Variants in PTPN11 observed in about 807,000 individuals in gnomAD.
The protein encoded by PTPN11 is protein tyrosine phosphatase non-receptor type 11, also known as tyrosine-protein phosphatase non-receptor type 11.
Under a neutral mutation model 78.8 loss-of-function variants are expected in PTPN11, and 6 were observed. That is an observed-to-expected ratio of 0.08 (90% CI 0.04 to 0.15). PTPN11 has a LOEUF of 0.15. PTPN11 is among the 10% of genes least tolerant of loss of function. The pLI is 1.00. For missense variants in PTPN11, 386 were observed against 744.8 expected (o/e 0.52, Z 5.61); for synonymous variants, 221 against 263.5 (o/e 0.84, Z 1.56).
chr12:112,500,073 G>A (rs1037527535), intron 13 of PTPN11, among the ~76,000 whole-genome samples: 4 of 151,752 alleles, frequency 2.6e-5, no homozygotes, highest in South Asian at 2.1e-4. Context: ...ATGAAACCCC[G>A]TCTCTACTAA....
intron 1 of PTPN11, among the ~76,000 whole-genome samples, chr12:112,429,553 G>A (rs548043886): frequency 8.1e-4 from 117 of 144,940 alleles, no homozygotes; most frequent in Non-Finnish European, 1.4e-3. Context: ...TGTAATCCCC[G>A]CACTTTGGGA....
chr12:112,449,708 G>C (rs1377801733), intron 2 of PTPN11, among the ~76,000 whole-genome samples: 1 of 152,046 alleles, frequency 6.6e-6, no homozygotes, highest in Non-Finnish European at 1.5e-5. Context: ...AAGTGTTTTG[G>C]TAGCTATACA....
At chr12:112,427,793 CCA>C (rs1234366098) in intron 1 of PTPN11, among the ~76,000 whole-genome samples, 1 of 151,660 alleles carries the variant, frequency 6.6e-6, no homozygotes, top group African/African-American at 2.4e-5. Flanking sequence ...GCTCTGTCAC[CCA>C]CACTGGATTG....
chr12:112,508,717 T>C lies in PTPN11; in HGVS notation c.*2925T>C, dbSNP rs1242503047. ...AAATTTCACAGTCTTAATAACTTTT[T>C]TTAAAAAAAACTAAAAGGCGCTTCA... On this transcript the variant is annotated 3_prime_UTR_variant, in exon 16 of 16. Transcript: ENST00000351677. The C allele has an allele frequency of 6.6e-6, 1 of 152,192 alleles. No individual in the cohort carries two copies. Among genetic ancestry groups the C allele is most frequent in the Non-Finnish European group, 1.5e-5 (1 of 68,038 alleles). 9.4% of individuals were successfully genotyped at this position (152,192 alleles called of 1,614,324 possible).
intron 1 of PTPN11, among the ~76,000 whole-genome samples, chr12:112,425,626 T>G (rs1447812985): frequency 1.3e-5 from 2 of 152,238 alleles, no homozygotes; most frequent in African/African-American, 4.8e-5. Context: ...GGGCTTTTAG[T>G]GTAACCAGCA....
intron 7 of PTPN11, among the ~76,000 whole-genome samples, chr12:112,477,438 A>G (rs2038521848): frequency 6.6e-6 from 1 of 152,224 alleles, no homozygotes; most frequent in African/African-American, 2.4e-5. Flanking sequence ...CCCATAGTAT[A>G]TGATCAAAAC....
Position 112,477,908 on chromosome 12 carries a change from G to A in PTPN11, c.985G>A (p.Ala329Thr), listed in dbSNP as rs760769867. The A allele has an allele frequency of 1.2e-6, 2 of 1,614,172 alleles. No individual in the cohort carries two copies. The highest frequency in any genetic ancestry group is 8.5e-7 in the Non-Finnish European group (1 of 1,180,022). ...TTCAAAGCCCAAAAAGAGTTACATT[G>A]CCACACAAGGCTGCCTGCAAAACAC... ...NNSKPKKSYI[A>T]TQGCLQNTVN... is the part of the protein sequence containing the mutation. Residue 329 changes from alanine to threonine, a missense_variant, in exon 9 of 16, where the codon GCC becomes ACC. Ala to Thr is a moderately conservative substitution (Grantham distance 58). This residue lies in a region of PTPN11 where 279 missense variants were observed against 503.3 expected (regional missense o/e 0.55). Transcript: ENST00000351677.
chr12:112,443,277 T>A (rs1489876565), intron 1 of PTPN11, among the ~76,000 whole-genome samples: 1 of 152,142 alleles, frequency 6.6e-6, no homozygotes, highest in African/African-American at 2.4e-5. Flanking sequence ...ATTAATGCAT[T>A]GTGTTACTTG....
intron 11 of PTPN11, among the ~76,000 whole-genome samples, chr12:112,487,296 G>A (rs977545941): frequency 4.6e-5 from 7 of 152,018 alleles, no homozygotes; most frequent in South Asian, 2.1e-4. Context: ...CACTACGCCC[G>A]GCTAATTTTT....
At chr12:112,440,995 G>A (rs1390706842) in intron 1 of PTPN11, among the ~76,000 whole-genome samples, 1 of 106,692 alleles carries the variant, frequency 9.4e-6, no homozygotes, top group African/African-American at 3.5e-5. Context: ...ATGGAGTTTT[G>A]CGTTGTTGCC....
intron 7 of PTPN11, among the ~76,000 whole-genome samples, chr12:112,477,343 T>G (rs2038520527): frequency 6.6e-6 from 1 of 152,178 alleles, no homozygotes; most frequent in Non-Finnish European, 1.5e-5. Context: ...ATTTTGGAAC[T>G]CATAAGAAGT....
intron 1 of PTPN11, among the ~76,000 whole-genome samples, chr12:112,433,433 CTGT>C (rs1438651208): frequency 1.3e-5 from 2 of 152,172 alleles, no homozygotes; most frequent in East Asian, 3.8e-4. Flanking sequence ...GAACATATTC[CTGT>C]TGTTAAGCAA....
chr12:112,450,012 C>A (rs546439292), intron 2 of PTPN11, among the ~76,000 whole-genome samples: 1 of 151,248 alleles, frequency 6.6e-6, no homozygotes, highest in Non-Finnish European at 1.5e-5. Flanking sequence ...TATGTAAATC[C>A]ACCGCGAAGG....
chr12:112,449,484 G>A (rs995435649), intron 2 of PTPN11, among the ~76,000 whole-genome samples: 8 of 151,428 alleles, frequency 5.3e-5, no homozygotes, highest in African/African-American at 2.0e-4. Context: ...TCCAGCCTGG[G>A]TGATGGAGTG....
Position 112,504,108 on chromosome 12 carries a change from G to A in PTPN11, c.1713-587G>A, listed in dbSNP as rs1384661886. Reference sequence around the variant, plus strand: ...CATTTCCAACCTTTCTTCACAGTGCGATCCAAATGCCTCATCCTACAGGCC... The same window carrying A: ...CATTTCCAACCTTTCTTCACAGTGCAATCCAAATGCCTCATCCTACAGGCC... On this transcript the variant is annotated intron_variant, in intron 14 of 15. Transcript: ENST00000351677. The surrounding 1 kb of genome is among the most constrained non-coding windows in gnomAD (Gnocchi z 4.7). 6.6e-6 allele frequency among the ~76,000 whole-genome samples: 1 copy of A among 152,148 alleles called. No homozygotes were observed. Among genetic ancestry groups the A allele is most frequent in the African/African-American group, 2.4e-5 (1 of 41,440 alleles).
intron 6 of PTPN11, among the ~76,000 whole-genome samples, chr12:112,460,955 G>A (rs1050903786): frequency 3.3e-5 from 5 of 152,084 alleles, no homozygotes; most frequent in Middle Eastern, 3.4e-3. Context: ...GTTGAAGAAA[G>A]CAGATCATTT....
At chr12:112,473,601 C>A (rs1277296951) in intron 7 of PTPN11, among the ~76,000 whole-genome samples, 1 of 152,062 alleles carries the variant, frequency 6.6e-6, no homozygotes, top group African/African-American at 2.4e-5. Flanking sequence ...AATCCCAGCA[C>A]TTTCGGAGGC....
At chr12:112,423,933 G>A (rs376877744) in intron 1 of PTPN11, among the ~76,000 whole-genome samples, 2 of 151,288 alleles carry the variant, frequency 1.3e-5, no homozygotes, top group Admixed American at 6.6e-5. Context: ...CTATTTTTTT[G>A]TAGAGTTAGG....
chr12:112,441,259 C>T (rs1454033223), intron 1 of PTPN11, among the ~76,000 whole-genome samples: 1 of 143,866 alleles, frequency 7.0e-6, no homozygotes, highest in Non-Finnish European at 1.5e-5. Context: ...CCACCTTGCC[C>T]AGCCTTTTTT....
Sources: gnomAD v4.1 joint callset for allele counts (sites outside exome capture counted in the v4.1 genomes callset) on GRCh38, gnomAD v4.1.1 for gene constraint, gnomAD v4.1.1 regional missense constraint, Gnocchi (gnomAD v3.1) non-coding constraint, MANE v1.5 for transcripts, NCBI Gene and HGNC (gene_info 2026-07-23, HGNC 2026-07-21) for gene names.